The following SYT1 variants were observed in gnomAD, a reference collection of about 807,000 sequenced individuals.
SYT1 encodes the protein synaptotagmin 1, also known as synaptotagmin-1.
SYT1 carries 8 observed loss-of-function variants against 44.8 expected under a neutral mutation model. That is an observed-to-expected ratio of 0.18 (90% confidence interval 0.10 to 0.32). The LOEUF is 0.32. SYT1 is among the 10% of genes least tolerant of loss of function. SYT1 has a pLI of 1.00. For missense variants in SYT1, 286 were observed against 509.3 expected, an observed-to-expected ratio of 0.56 and a Z score of 4.22; for synonymous variants, 154 against 188.8, an observed-to-expected ratio of 0.82 and a Z score of 1.51.
chr12:79,204,672 A>G (rs956645222), intron 3 of SYT1, among the ~76,000 whole-genome samples: 2 of 152,180 alleles, frequency 1.3e-5, no homozygotes, highest in African/African-American at 4.8e-5. Context: ...AAGCTATGTC[A>G]AATTGATCCA....
chr12:79,195,266 C>T lies in SYT1; in HGVS notation c.-17-22237C>T, dbSNP rs1429250493. Among the ~76,000 whole-genome samples the T allele has an allele frequency of 2.6e-5, 4 of 152,148 alleles. No individual in the cohort carries two copies. In the East Asian group the frequency reaches 5.8e-4, roughly 22 times the overall value. Reference sequence around the variant, plus strand: ...TGAAAAATGTTTGCTATCATTCTGTCATTCCTTTCTTAACTCTTTTTCCTA... The same window carrying T: ...TGAAAAATGTTTGCTATCATTCTGTTATTCCTTTCTTAACTCTTTTTCCTA... On this transcript the variant is annotated intron_variant, in intron 3 of 10. Coordinates refer to ENST00000261205, the MANE Select transcript of SYT1 (RefSeq NM_005639.3).
chr12:79,339,416 A>G (rs1186053882), intron 8 of SYT1, among the ~76,000 whole-genome samples: 1 of 152,160 alleles, frequency 6.6e-6, no homozygotes, highest in African/African-American at 2.4e-5. Flanking sequence ...TTCTCTGATG[A>G]CCAGTGATGA....
chr12:79,218,815 CA>C lies in SYT1; in HGVS notation c.166+1132del, dbSNP rs1874974954. On this transcript the variant is annotated intron_variant, in intron 4 of 10. Transcript: ENST00000261205. Reference sequence around the variant, plus strand: ...GTCTTGGCTATTGTGAAAATTTCTGCAACAAACATGGGAGTGCAGATATCTG... The same window carrying C: ...GTCTTGGCTATTGTGAAAATTTCTGCACAAACATGGGAGTGCAGATATCTG... 2.0e-5 allele frequency among the ~76,000 whole-genome samples: 3 copies of C among 152,122 alleles called. 1 individual carries two copies. Among genetic ancestry groups the C allele is most frequent in the Admixed American group, 2.0e-4 (3 of 15,276 alleles).
In SYT1 at chr12:78,868,360, A is replaced by G. The variant is rs749488006; in HGVS notation, c.-217+3251A>G. Among the ~76,000 whole-genome samples the G allele has an allele frequency of 3.4e-4, 51 of 151,840 alleles. 1 individual carries two copies. Among genetic ancestry groups the G allele is most frequent in the Non-Finnish European group, 2.1e-4 (14 of 67,762 alleles). ...CTTGCATGCATTCTGCAGAAAATAT[A>G]ATATTTTTAAAAAGTAAATATCTGA... On this transcript the variant is annotated intron_variant, in intron 1 of 10. Coordinates refer to ENST00000261205, the MANE Select transcript of SYT1 (RefSeq NM_005639.3).
chr12:79,413,675 G>A (rs1868562561), intron 9 of SYT1, among the ~76,000 whole-genome samples: 1 of 152,130 alleles, frequency 6.6e-6, no homozygotes, highest in South Asian at 2.1e-4. Flanking sequence ...ATACTCTGGA[G>A]TAGTTAATTC....
intron 1 of SYT1, among the ~76,000 whole-genome samples, chr12:78,876,686 TAC>T (rs1180025996): frequency 3.2e-5 from 4 of 123,932 alleles, no homozygotes; most frequent in African/African-American, 6.0e-5. Flanking sequence ...TGTGTATATA[TAC>T]ACACATGTAG....
At chr12:79,441,869 T>C (rs1030657855) in intron 9 of SYT1, among the ~76,000 whole-genome samples, 1 of 152,212 alleles carries the variant, frequency 6.6e-6, no homozygotes, top group Non-Finnish European at 1.5e-5. Flanking sequence ...TGACTGGTTC[T>C]TTCTTGTCTT....
chr12:78,919,844 C>T (rs1485028866), intron 1 of SYT1, among the ~76,000 whole-genome samples: 1 of 151,990 alleles, frequency 6.6e-6, no homozygotes, highest in African/African-American at 2.4e-5. Context: ...CCAAGAAAGT[C>T]TAATTGTGTG....
At chr12:79,421,375 T>C (rs538806994) in intron 9 of SYT1, among the ~76,000 whole-genome samples, 14 of 152,240 alleles carry the variant, frequency 9.2e-5, no homozygotes, top group Non-Finnish European at 1.9e-4. Flanking sequence ...ATTTCTAAGG[T>C]GCGCCATTTA....
chr12:79,155,035 A>G (rs1310378704), intron 3 of SYT1, among the ~76,000 whole-genome samples: 1 of 152,224 alleles, frequency 6.6e-6, no homozygotes, highest in Non-Finnish European at 1.5e-5. Context: ...GCAAGAAAAC[A>G]TAAAAATAAA....
At chr12:79,112,799 T>C (rs1879085479) in intron 3 of SYT1, among the ~76,000 whole-genome samples, 1 of 152,126 alleles carries the variant, frequency 6.6e-6, no homozygotes. Context: ...TTAAATTAGA[T>C]TTGTTATTTC....
Position 79,296,138 on chromosome 12 carries a change from G to C in SYT1, c.544G>C (p.Val182Leu). 1 of 1,613,952 alleles carries C rather than the reference G, an allele frequency of 6.2e-7. No homozygotes were observed. The highest frequency in any genetic ancestry group is 8.5e-7 in the Non-Finnish European group (1 of 1,179,936). Residue 182 changes from valine to leucine, a missense_variant, in exon 7 of 11, where the codon GTG becomes CTG. Physicochemically the swap from Val to Leu is conservative, Grantham distance 32 (BLOSUM62 1). Around this residue, in one of 6 missense-constraint regions of SYT1, gnomAD observed 81 missense variants for 164.9 expected, o/e 0.49. Transcript: ENST00000261205. The part of the protein sequence containing the change: ...LDMGGTSDPY[V>L]KVFLLPDKKK... ...CATGGGGGGCACATCTGATCCTTAC[G>C]TGAAAGTGTTTCTGCTACCTGATAA...
At chr12:79,230,398 T>C (rs888044159) in intron 4 of SYT1, among the ~76,000 whole-genome samples, 8 of 152,168 alleles carry the variant, frequency 5.3e-5, no homozygotes, top group African/African-American at 1.9e-4. Flanking sequence ...TGAAATAGAA[T>C]TTTTTAAATA....
chr12:79,101,512 G>A (rs193154618), intron 3 of SYT1, among the ~76,000 whole-genome samples: 2 of 152,296 alleles, frequency 1.3e-5, no homozygotes, highest in African/African-American at 4.8e-5. Flanking sequence ...TAGAGAAGGT[G>A]AAAAGTTCTG....
At chr12:79,193,061 T>G (rs891720968) in intron 3 of SYT1, among the ~76,000 whole-genome samples, 1 of 152,156 alleles carries the variant, frequency 6.6e-6, no homozygotes, top group African/African-American at 2.4e-5. Flanking sequence ...AACAATTTCT[T>G]AATAGCCTGA....
chr12:79,323,066 G>A (rs915799015), intron 8 of SYT1, among the ~76,000 whole-genome samples: 11 of 151,936 alleles, frequency 7.2e-5, no homozygotes, highest in African/African-American at 2.4e-4. Flanking sequence ...AAGCCATGGG[G>A]GAAAGAGAAC....
chr12:79,067,200 T>C (rs1875932340), intron 3 of SYT1, among the ~76,000 whole-genome samples: 2 of 152,218 alleles, frequency 1.3e-5, no homozygotes, highest in Non-Finnish European at 1.5e-5. Context: ...CCTAATGTTA[T>C]AGATTTTGGT....
In SYT1 at chr12:79,079,513, ATGT is replaced by A. The variant is rs557194232; in HGVS notation, c.-18+32156_-18+32158del. ...TCATCTCATTTAAATTATGATATAT[ATGT>A]TGTTATTTAAATTAATTACCTAGAT... On this transcript the variant is annotated intron_variant, in intron 3 of 10. Coordinates refer to ENST00000261205, the MANE Select transcript of SYT1 (RefSeq NM_005639.3). 3.3e-4 allele frequency among the ~76,000 whole-genome samples: 50 copies of A among 152,176 alleles called. 1 individual carries two copies. Among genetic ancestry groups the A allele is most frequent in the Non-Finnish European group, 6.0e-4 (41 of 67,936 alleles).
chr12:79,140,558 T>C (rs1457113271), intron 3 of SYT1, among the ~76,000 whole-genome samples: 1 of 152,180 alleles, frequency 6.6e-6, no homozygotes, highest in Admixed American at 6.5e-5. Flanking sequence ...CCTAACTGAC[T>C]ATAAAAGACC....
Sources: gnomAD v4.1 joint callset for allele counts (sites outside exome capture counted in the v4.1 genomes callset) on GRCh38, gnomAD v4.1.1 for gene constraint, gnomAD v4.1.1 regional missense constraint, MANE v1.5 for transcripts, NCBI Gene and HGNC (gene_info 2026-07-23, HGNC 2026-07-21) for gene names.